TBC1D21: variants seen among roughly 807,000 people sequenced by gnomAD.
TBC1D21 encodes male germ cell Rab GTPase-activating protein.
A neutral mutation model predicts 46.0 loss-of-function variants in TBC1D21; 38 were observed. The observed-to-expected ratio is 0.83, with a 90% CI of 0.64 to 1.08. The LOEUF (loss-of-function observed/expected upper bound fraction) is 1.08. Ranked by LOEUF, TBC1D21 falls within the 50% of genes least tolerant of loss-of-function variation. TBC1D21 has a pLI of 0.00. For synonymous variants in TBC1D21, 151 were observed against 157.2 expected, an observed-to-expected ratio of 0.96 and a Z score of 0.29; for missense variants, 415 against 417.9, an observed-to-expected ratio of 0.99 and a Z score of 0.06.
chr15:73,876,037 G>A (rs995682629), intron 1 of TBC1D21, among the ~76,000 whole-genome samples: 6 of 151,978 alleles, frequency 3.9e-5, no homozygotes, highest in South Asian at 4.2e-4. Flanking sequence ...TGCCTTCTGC[G>A]GGTCAACAGC....
chr15:73,876,531 C>G (rs1479292096), intron 1 of TBC1D21, among the ~76,000 whole-genome samples: 2 of 151,838 alleles, frequency 1.3e-5, no homozygotes, highest in African/African-American at 4.8e-5. Context: ...GCGTGAGCCA[C>G]CGCGCCCGGC....
At chr15:73,888,735 C>T (rs921691732) in intron 10 of TBC1D21, among the ~76,000 whole-genome samples, 1 of 118,218 alleles carries the variant, frequency 8.5e-6, no homozygotes, top group African/African-American at 2.6e-5. Context: ...CCTCTTCTTC[C>T]TCCTCCTCCT....
At position 73,881,834 on chromosome 15, in the gene TBC1D21, C is replaced by G. The variant is rs1179016042; in HGVS notation, c.272+87C>G. On this transcript the variant is annotated intron_variant, in intron 3 of 10. Coordinates refer to ENST00000300504, the MANE Select transcript of TBC1D21 (RefSeq NM_153356.3). The stretch of plus-strand genomic sequence containing the variant: ...CCCAGCCTGCAGACTATCTTCTGCC[C>G]CCATGCAACTTCTTATTCCGAGAGG... 3 of 1,186,478 alleles carry G rather than the reference C, an allele frequency of 2.5e-6. No individual in the cohort carries two copies. In the East Asian group the frequency reaches 7.5e-5, roughly 30 times the overall value. The allele number at this position is 1,186,478 out of a possible 1,614,324, so 73.5% of individuals were successfully genotyped here.
intron 3 of TBC1D21, among the ~76,000 whole-genome samples, chr15:73,882,209 T>G (rs1164834580): frequency 6.6e-6 from 1 of 152,108 alleles, no homozygotes; most frequent in Non-Finnish European, 1.5e-5. Context: ...CAAAACCCAG[T>G]ATGGGCTGCC....
intron 1 of TBC1D21, among the ~76,000 whole-genome samples, chr15:73,876,601 G>T (rs1014789279): frequency 6.6e-6 from 1 of 152,026 alleles, no homozygotes; most frequent in African/African-American, 2.4e-5. Context: ...ATGGCCAATT[G>T]TTACAGGTAG....
At chr15:73,883,534 GTGTTA>G (rs2068190760) in intron 3 of TBC1D21, among the ~76,000 whole-genome samples, 1 of 152,160 alleles carries the variant, frequency 6.6e-6, no homozygotes. Flanking sequence ...TGCTTTCTGT[GTGTTA>G]TAAGAACACA....
intron 1 of TBC1D21, among the ~76,000 whole-genome samples, chr15:73,881,144 T>C (rs2068146680): frequency 6.6e-6 from 1 of 152,264 alleles, no homozygotes; most frequent in African/African-American, 2.4e-5. Context: ...AACCACAGTT[T>C]ACTTAACTAC....
At chr15:73,888,347 C>T (rs1482270340) in intron 9 of TBC1D21, 83 bp from the exon 10 acceptor site, 18 of 1,156,208 alleles carry the variant, frequency 1.6e-5, no homozygotes, top group Non-Finnish European at 2.2e-5. Context: ...TCCCTGGGTG[C>T]TGCAGGCAGC....
intron 1 of TBC1D21, among the ~76,000 whole-genome samples, chr15:73,875,463 GCTTT>G (rs1307683617): frequency 6.6e-6 from 1 of 152,066 alleles, no homozygotes; most frequent in African/African-American, 2.4e-5. Flanking sequence ...TCCTCCAAAG[GCTTT>G]CTTTTTTTAC....
chr15:73,874,060 C>T (rs1472360698), intron 1 of TBC1D21, among the ~76,000 whole-genome samples: 4 of 152,158 alleles, frequency 2.6e-5, no homozygotes, highest in South Asian at 4.1e-4. Flanking sequence ...AGATTTTCAT[C>T]GGTGCTTTTT....
downstream of TBC1D21, among the ~76,000 whole-genome samples, chr15:73,893,975 C>T (rs562520935): frequency 6.7e-4 from 102 of 152,306 alleles, no homozygotes; most frequent in African/African-American, 2.3e-3. Context: ...GCTAAGCACT[C>T]GCATGCTTTA....
intron 1 of TBC1D21, among the ~76,000 whole-genome samples, chr15:73,880,408 T>A (rs2068133238): frequency 6.6e-6 from 1 of 152,112 alleles, no homozygotes; most frequent in Non-Finnish European, 1.5e-5. Context: ...CTCATAACTG[T>A]GTCTAATTAA....
chr15:73,907,803 C>T, the TBC1D21 span, among the ~76,000 whole-genome samples: 4 of 152,048 alleles, frequency 2.6e-5, no homozygotes, highest in African/African-American at 4.8e-5. Flanking sequence ...GGGGTATAGA[C>T]GTGAAATTGT....
chr15:73,885,695 G>T (rs999293344), intron 6 of TBC1D21, among the ~76,000 whole-genome samples: 2 of 151,530 alleles, frequency 1.3e-5, no homozygotes, highest in African/African-American at 4.9e-5. Context: ...CTGCACATGT[G>T]CTTGCTGCCC....
chr15:73,873,639 G>T lies in TBC1D21; in HGVS notation c.-71G>T. 1 of 1,531,614 alleles carries T rather than the reference G, an allele frequency of 6.5e-7. No homozygotes were observed. Among genetic ancestry groups the T allele is most frequent in the Non-Finnish European group, 8.9e-7 (1 of 1,127,162 alleles). 94.9% of individuals were successfully genotyped at this position (1,531,614 alleles called of 1,614,324 possible). ...CCTCCTGGGAATGCAACCCATCTCC[G>T]AAAAGGATTAAGCATCACTAGGGCT... On this transcript the variant is annotated 5_prime_UTR_variant, in exon 1 of 11. An upstream open reading frame in the 5' UTR gains an earlier in-frame stop. Transcript: ENST00000300504.
chr15:73,890,869 C>G (rs1157706847), downstream of TBC1D21, among the ~76,000 whole-genome samples: 3 of 152,104 alleles, frequency 2.0e-5, no homozygotes, highest in African/African-American at 7.2e-5. Context: ...CCCCCGACCA[C>G]CCCTCTCAAG....
downstream of TBC1D21, among the ~76,000 whole-genome samples, chr15:73,893,755 C>T (rs1326637571): frequency 2.0e-5 from 3 of 152,084 alleles, no homozygotes; most frequent in Non-Finnish European, 4.4e-5. Context: ...AGCCACCAGA[C>T]CTTTGGTCAG....
the TBC1D21 span, among the ~76,000 whole-genome samples, chr15:73,906,610 G>C: frequency 6.6e-6 from 1 of 152,146 alleles, no homozygotes; most frequent in Admixed American, 6.5e-5. Flanking sequence ...CTTCCTCTGG[G>C]AAGCAGCTTG....
At chr15:73,885,815 T>TACAC (rs3057447) in intron 6 of TBC1D21, among the ~76,000 whole-genome samples, 65 of 148,150 alleles carry the variant, frequency 4.4e-4, no homozygotes, top group African/African-American at 5.5e-4. Flanking sequence ...TACACACACA[T>TACAC]ACACACACAC....
Sources: allele counts gnomAD v4.1 joint callset (sites outside exome capture counted in the v4.1 genomes callset), GRCh38; gene constraint gnomAD v4.1.1; transcripts MANE v1.5; gene names NCBI Gene and HGNC (gene_info 2026-07-23, HGNC 2026-07-21).